The following SH2D3C variants were observed in gnomAD, a reference collection of about 807,000 sequenced individuals.
SH2D3C encodes the protein SH2 domain containing 3C.
Under a neutral mutation model 75.2 loss-of-function variants are expected in SH2D3C, and 25 were observed. The observed-to-expected ratio is 0.33, with a 90% confidence interval of 0.24 to 0.46. The LOEUF is 0.46. Among genes scored for constraint, SH2D3C ranks in the 20% least tolerant of loss-of-function variants. The pLI is 1.00. For synonymous variants in SH2D3C, 450 were observed against 473.7 expected (o/e 0.95, Z 0.65); for missense variants, 933 against 1,165.3 (o/e 0.80, Z 2.90).
chr9:127,743,453 A>G (rs140755046), intron 7 of SH2D3C, among the ~76,000 whole-genome samples: 1 of 152,232 alleles, frequency 6.6e-6, no homozygotes, highest in Non-Finnish European at 1.5e-5. Context: ...CAGTGAGCCG[A>G]TATCACGCCA....
chr9:127,768,038 G>A (rs569598481), intron 2 of SH2D3C, among the ~76,000 whole-genome samples: 3 of 152,290 alleles, frequency 2.0e-5, no homozygotes, highest in Non-Finnish European at 2.9e-5. Flanking sequence ...AGCCCAAGGC[G>A]TCCGGGGGTC....
intron 2 of SH2D3C, among the ~76,000 whole-genome samples, chr9:127,767,684 A>G (rs1845661142): frequency 6.6e-6 from 1 of 152,222 alleles, no homozygotes; most frequent in South Asian, 2.1e-4. Flanking sequence ...CCCCTTCTAC[A>G]GCATGAGTAG....
chr9:127,755,196 G>A (rs1845341600), intron 3 of SH2D3C: 2 of 1,206,040 alleles, frequency 1.7e-6, no homozygotes, highest in Non-Finnish European at 1.0e-6. Flanking sequence ...ACGGTGTGGG[G>A]GGGCGGTGGC....
chr9:127,762,816 A>G (rs543714242), intron 2 of SH2D3C, among the ~76,000 whole-genome samples: 1 of 152,330 alleles, frequency 6.6e-6, no homozygotes, highest in East Asian at 1.9e-4. Context: ...TCCCATCTCT[A>G]GAAGAACAAA....
chr9:127,761,611 C>T lies in SH2D3C; in HGVS notation c.555G>A (p.Lys185=), dbSNP rs1304796504. ...CCAACCCCTGGCCAGCCCCTCCTAC[C>T]TTCACATAGTCGCTGCCAGCCTCTG... ...GEPEAGSDYV[K]FSKEKYILDS... The change falls in exon 3 of 12, where the codon AAG becomes AAA. Residue 185 remains lysine, a splice_region_variant and synonymous_variant. Transcript: ENST00000314830. 2 of 1,611,408 alleles carry T rather than the reference C, an allele frequency of 1.2e-6. No individual in the cohort carries two copies. The highest frequency in any genetic ancestry group is 1.1e-5 in the South Asian group (1 of 90,620).
At chr9:127,752,945 G>C (rs1368213155) in intron 3 of SH2D3C, among the ~76,000 whole-genome samples, 2 of 152,166 alleles carry the variant, frequency 1.3e-5, no homozygotes, top group Non-Finnish European at 2.9e-5. Context: ...GACTGGGTGA[G>C]CCAAGCAAAA....
rs72752825 is a variant in SH2D3C, at chr9:127,751,636, T to C, written c.556-336A>G. Among the ~76,000 whole-genome samples the C allele has an allele frequency of 0.035, 5,308 of 152,290 alleles. 126 individuals are homozygous for C. Among genetic ancestry groups the C allele is most frequent in the Middle Eastern group, 0.058 (17 of 294 alleles). ...TAGAGTGCGGTCAGCACCACAGCGC[T>C]GGACAGCGGCAAAGAGCCGGGTGGC... is the stretch of plus-strand genomic sequence containing the variant. On this transcript the variant is annotated intron_variant, in intron 3 of 11. Transcript: ENST00000314830. This position sits in a 1 kb window ranked among gnomAD's most constrained non-coding sequence, Gnocchi z 4.1.
In SH2D3C at chr9:127,738,618, G is replaced by C; in HGVS notation, c.*128C>G. The C allele has an allele frequency of 1.0e-6, 1 of 999,208 alleles. No homozygotes were observed. Among genetic ancestry groups the C allele is most frequent in the South Asian group, 1.8e-5 (1 of 56,516 alleles). 61.9% of individuals were successfully genotyped at this position (999,208 alleles called of 1,614,324 possible). A position where few individuals can be genotyped will look rare whatever the true frequency, so the allele number is the denominator to read the frequency against. On this transcript the variant is annotated 3_prime_UTR_variant, in exon 12 of 12. Coordinates refer to ENST00000314830, the MANE Select transcript of SH2D3C (RefSeq NM_170600.3). This position sits in a 1 kb window ranked among gnomAD's most constrained non-coding sequence, Gnocchi z 5.0. ...CACGCAGGACCCTGGAGGTGCAAGG[G>C]AGATGCTTGAGTTGAACCCAGAACA...
intron 2 of SH2D3C, among the ~76,000 whole-genome samples, chr9:127,768,440 C>A (rs1457207464): frequency 6.6e-6 from 1 of 151,948 alleles, no homozygotes; most frequent in Non-Finnish European, 1.5e-5. Context: ...GCTTGGATCT[C>A]TAGGTGGGAG....
At position 127,751,332 on chromosome 9, in the gene SH2D3C, A is replaced by G; in HGVS notation, c.556-32T>C. On this transcript the variant is annotated intron_variant, in intron 3 of 11. Coordinates refer to ENST00000314830, the MANE Select transcript of SH2D3C (RefSeq NM_170600.3). This position sits in a 1 kb window ranked among gnomAD's most constrained non-coding sequence, Gnocchi z 4.1. ...AGAAAACAGCAAGAGTTGGCATCCA[A>G]CTTAAAGTCTCCTTCTTCTTTCCCT... is the stretch of plus-strand genomic sequence containing the variant. 1.2e-6 allele frequency: 2 copies of G among 1,609,152 alleles called. No individual in the cohort carries two copies. Among genetic ancestry groups the G allele is most frequent in the Non-Finnish European group, 1.7e-6 (2 of 1,176,816 alleles).
At chr9:127,764,270 T>A (rs1013750670) in intron 2 of SH2D3C, among the ~76,000 whole-genome samples, 4 of 152,152 alleles carry the variant, frequency 2.6e-5, no homozygotes, top group South Asian at 4.1e-4. Flanking sequence ...TTTCACCCCA[T>A]GGCCTCACCA....
intron 2 of SH2D3C, among the ~76,000 whole-genome samples, chr9:127,769,712 T>C (rs570934214): frequency 6.6e-6 from 1 of 152,208 alleles, no homozygotes; most frequent in South Asian, 2.1e-4. Context: ...TTGAGATTTT[T>C]ACTTGCAGGA....
chr9:127,742,719 G>T, intron 8 of SH2D3C, 130 bp downstream of exon 8: 1 of 620,626 alleles, frequency 1.6e-6, no homozygotes, highest in South Asian at 2.0e-5. Flanking sequence ...ATTGGTCAAT[G>T]GGATGGGAGG....
intron 7 of SH2D3C, among the ~76,000 whole-genome samples, chr9:127,743,265 G>A (rs1421693796): frequency 1.3e-5 from 2 of 152,222 alleles, no homozygotes; most frequent in Non-Finnish European, 2.9e-5. Flanking sequence ...CACTTTGGGA[G>A]GCCAAGGTGG....
At chr9:127,760,299 G>C (rs1056378416) in intron 3 of SH2D3C, among the ~76,000 whole-genome samples, 8 of 152,140 alleles carry the variant, frequency 5.3e-5, no homozygotes, top group African/African-American at 1.9e-4. Flanking sequence ...AGCACAGGGC[G>C]TTGCTTAGGG....
At chr9:127,760,224 A>G (rs1389409754) in intron 3 of SH2D3C, among the ~76,000 whole-genome samples, 1 of 152,206 alleles carries the variant, frequency 6.6e-6, no homozygotes, top group Non-Finnish European at 1.5e-5. Flanking sequence ...TGGGTCCCAC[A>G]TGGACCGGGA....
At chr9:127,757,464 T>C (rs1476530748) in intron 3 of SH2D3C, among the ~76,000 whole-genome samples, 3 of 150,364 alleles carry the variant, frequency 2.0e-5, no homozygotes, top group Non-Finnish European at 3.0e-5. Context: ...ATGGTCTCAC[T>C]CTGTCACCCA....
intron 1 of SH2D3C, among the ~76,000 whole-genome samples, chr9:127,775,305 G>A (rs1845793558): frequency 6.6e-6 from 1 of 152,106 alleles, no homozygotes. Flanking sequence ...ACCAGCCTCG[G>A]CAACATAGCA....
rs775798516 is a variant in SH2D3C, at chr9:127,739,057, C to A, written c.2408-136G>T. 3 of 650,538 alleles carry A rather than the reference C, an allele frequency of 4.6e-6. No individual in the cohort carries two copies. The highest frequency in any genetic ancestry group is 4.8e-6 in the Non-Finnish European group (2 of 416,176). The allele number at this position is 650,538 out of a possible 1,614,324, so 40.3% of individuals were successfully genotyped here. A position where few individuals can be genotyped will look rare whatever the true frequency, so the allele number is the denominator to read the frequency against. ...CAACAAGGTTTGTGAATCAACACGA[C>A]CCTGTAGTTTAGCATCTTTGTCCTG... On this transcript the variant is annotated intron_variant, in intron 11 of 11. Coordinates refer to ENST00000314830, the MANE Select transcript of SH2D3C (RefSeq NM_170600.3). This position sits in a 1 kb window ranked among gnomAD's most constrained non-coding sequence, Gnocchi z 4.3.
Sources: allele counts gnomAD v4.1 joint callset (sites outside exome capture counted in the v4.1 genomes callset), GRCh38; gene constraint gnomAD v4.1.1; non-coding constraint Gnocchi (gnomAD v3.1); transcripts MANE v1.5; gene names NCBI Gene and HGNC (gene_info 2026-07-23, HGNC 2026-07-21).